UACA: variants seen among roughly 807,000 people sequenced by gnomAD.
UACA encodes the protein uveal autoantigen with coiled-coil domains and ankyrin repeats.
Under a neutral mutation model 160.5 loss-of-function variants are expected in UACA, and 112 were observed. The ratio of observed to expected loss-of-function variants is 0.70; its 90% CI spans 0.60 to 0.82. UACA has a LOEUF of 0.82. Among genes scored for constraint, UACA ranks in the 40% least tolerant of loss-of-function variants. UACA has a pLI of 0.00. For missense variants in UACA, 1,574 were observed against 1,614.6 expected (o/e 0.97, Z 0.43); for synonymous variants, 557 against 568.4 (o/e 0.98, Z 0.29).
chr15:70,746,714 C>CA (rs1211757986), intron 1 of UACA, among the ~76,000 whole-genome samples: 1 of 152,094 alleles, frequency 6.6e-6, no homozygotes, highest in Non-Finnish European at 1.5e-5. Context: ...TTCACAATAG[C>CA]AAAGACTTGG....
At position 70,666,760 on chromosome 15, in the gene UACA, T is replaced by C. The variant is rs374854267; in HGVS notation, c.3924A>G (p.Gln1308=). The change falls in exon 16 of 19, where the codon CAA becomes CAG. Residue 1308 remains glutamine, a synonymous_variant. Coordinates refer to ENST00000322954, the MANE Select transcript of UACA (RefSeq NM_018003.4). The stretch of plus-strand genomic sequence containing the variant: ...TTGCTTCTATTTGTTTAGCAGATTC[T>C]TGTATTCTTCTTTGTAACTCTGTGA... ...TTITELQRRI[Q]ESAKQIEAKD... 3.1e-6 allele frequency: 5 copies of C among 1,608,992 alleles called. No individual in the cohort carries two copies. Among genetic ancestry groups the C allele is most frequent in the Middle Eastern group, 1.7e-4 (1 of 6,054 alleles).
chr15:70,665,154 AG>A (rs1189561525), intron 16 of UACA, among the ~76,000 whole-genome samples: 1 of 152,218 alleles, frequency 6.6e-6, no homozygotes, highest in Non-Finnish European at 1.5e-5. Flanking sequence ...GAACACAGGA[AG>A]GGAAGGGGGA....
At chr15:70,689,823 A>C (rs1347578481) in intron 5 of UACA, among the ~76,000 whole-genome samples, 1 of 152,152 alleles carries the variant, frequency 6.6e-6, no homozygotes, top group Non-Finnish European at 1.5e-5. Context: ...ATTTAGACAC[A>C]CAAGTATAAT....
intron 16 of UACA, chr15:70,665,080 CTTACTT>C (rs1896857225): frequency 3.9e-6 from 1 of 254,336 alleles, no homozygotes; most frequent in Admixed American, 5.4e-5. Flanking sequence ...TAAACATAGT[CTTACTT>C]TTAGCTAATA....
intron 1 of UACA, among the ~76,000 whole-genome samples, chr15:70,728,657 CA>C (rs1465979146): frequency 6.6e-6 from 1 of 150,650 alleles, no homozygotes; most frequent in Admixed American, 6.6e-5. Flanking sequence ...ACTAAGTCCT[CA>C]AAGGCAACTG....
chr15:70,770,313 C>A, the UACA span, among the ~76,000 whole-genome samples: 2 of 152,150 alleles, frequency 1.3e-5, no homozygotes, highest in African/African-American at 4.8e-5. Flanking sequence ...TTCTTATATA[C>A]AGTAGCATTA....
intron 16 of UACA, among the ~76,000 whole-genome samples, chr15:70,665,110 G>A (rs544074672): frequency 1.3e-5 from 2 of 152,172 alleles, no homozygotes; most frequent in Middle Eastern, 3.4e-3. Context: ...AAGCATCTAC[G>A]AAGGCACATG....
In UACA at chr15:70,659,395, G is replaced by GTTTTTTTTTTTT. The variant is rs71152307; in HGVS notation, c.4179+744_4179+755dup. 2.2e-3 allele frequency among the ~76,000 whole-genome samples: 41 copies of GTTTTTTTTTTTT among 18,836 alleles called. 16 individuals are homozygous for GTTTTTTTTTTTT. The highest frequency in any genetic ancestry group is 4.3e-3 in the Admixed American group (4 of 922). 12.4% of individuals were successfully genotyped at this position (18,836 alleles called of 152,430 possible). A position where few individuals can be genotyped will look rare whatever the true frequency, so the allele number is the denominator to read the frequency against. On this transcript the variant is annotated intron_variant, in intron 18 of 18. Coordinates refer to ENST00000322954, the MANE Select transcript of UACA (RefSeq NM_018003.4). ...TCTTTCCCTTCTTCATTTTTTGTTT[G>GTTTTTTTTTTTT]TTTTTTTTTTTTTTTTTTTTTTTTT...
rs1420006408 is a variant in UACA at position 70,669,254 on chromosome 15, A to G, written c.1430T>C (p.Leu477Ser). ...LAHKVAECKA[L>S]ALECERVKED... ...CTTGACCCTTTCACATTCTAATGCTAAAGCTTTGCATTCTGCCACTTTGTG... is the reference window on the plus strand; with the variant it reads ...CTTGACCCTTTCACATTCTAATGCTGAAGCTTTGCATTCTGCCACTTTGTG... The change falls in exon 16 of 19, where the codon TTA becomes TCA. Residue 477 changes from leucine to serine, a missense_variant. By Grantham distance (145) the Leu-to-Ser change is moderately radical (BLOSUM62 -2). Coordinates refer to ENST00000322954, the MANE Select transcript of UACA (RefSeq NM_018003.4). 9 of 1,613,946 alleles carry G rather than the reference A, an allele frequency of 5.6e-6. No homozygotes were observed. Among genetic ancestry groups the G allele is most frequent in the Non-Finnish European group, 7.6e-6 (9 of 1,180,002 alleles).
At position 70,678,098 on chromosome 15, in the gene UACA, C is replaced by A. The variant is rs1386611252; in HGVS notation, c.999+1G>T. ...TTTTTCTATTATGCAGATTTATTTA[C>A]CTCATTCAGCTGTAACTGTAAACCA... On this transcript the variant is annotated splice_donor_variant, in intron 11 of 18. Transcript: ENST00000322954. LOFTEE classifies it high-confidence loss of function. 6.3e-7 allele frequency: 1 copy of A among 1,575,542 alleles called. No homozygotes were observed.
chr15:70,663,503 T>C (rs1255582980), intron 17 of UACA, among the ~76,000 whole-genome samples: 7 of 152,152 alleles, frequency 4.6e-5, no homozygotes, highest in Non-Finnish European at 8.8e-5. Context: ...GCCATCCCAT[T>C]ACTGGGTATA....
At chr15:70,777,812 T>G in the UACA span, among the ~76,000 whole-genome samples, 1 of 152,210 alleles carries the variant, frequency 6.6e-6, no homozygotes, top group Non-Finnish European at 1.5e-5. Flanking sequence ...CTTCAAGTTT[T>G]GCTGCGACGG....
intron 1 of UACA, among the ~76,000 whole-genome samples, chr15:70,762,278 A>T (rs2141021061): frequency 6.6e-6 from 1 of 152,346 alleles, no homozygotes; most frequent in East Asian, 1.9e-4. Flanking sequence ...AAGCAGAAGC[A>T]GATTAATTAG....
In UACA at chr15:70,667,222, T is replaced by C. The variant is rs1215002996; in HGVS notation, c.3462A>G (p.Gln1154=). Residue 1154 remains glutamine, a synonymous_variant, in exon 16 of 19, where the codon CAA becomes CAG. Coordinates refer to ENST00000322954, the MANE Select transcript of UACA (RefSeq NM_018003.4). ...AAGAGTTCTTTTGATTCTCCAACAA[T>C]TGATGCAGTTTGGTCACTGTCTGCT... ...KEQQTVTKLH[Q]LLENQKNSSV... 6.2e-7 allele frequency: 1 copy of C among 1,613,838 alleles called. No homozygotes were observed. The highest frequency in any genetic ancestry group is 8.5e-7 in the Non-Finnish European group (1 of 1,179,972).
At chr15:70,760,067 T>C (rs2030654560) in intron 1 of UACA, among the ~76,000 whole-genome samples, 1 of 152,164 alleles carries the variant, frequency 6.6e-6, no homozygotes, top group South Asian at 2.1e-4. Context: ...CATTTTAAAA[T>C]TTTATCTCAA....
intron 17 of UACA, chr15:70,660,527 T>C (rs974646597): frequency 1.9e-4 from 53 of 280,318 alleles, no homozygotes; most frequent in African/African-American, 1.2e-3. Flanking sequence ...TTGCAAACGC[T>C]TCCCATCCTG....
chr15:70,669,029 T>G lies in UACA; in HGVS notation c.1655A>C (p.Lys552Thr). Reference sequence around the variant, plus strand: ...CACTTCTGCTGAAGCACCTTCATATTTTACTTTCAAGTCTTTCAACTGATC... The same window carrying G: ...CACTTCTGCTGAAGCACCTTCATATGTTACTTTCAAGTCTTTCAACTGATC... ...LKDQLKDLKV[K>T]YEGASAEVGK... Residue 552 changes from lysine to threonine, a missense_variant, in exon 16 of 19, where the codon AAA becomes ACA. Physicochemically the swap from Lys to Thr is moderately conservative, Grantham distance 78. Transcript: ENST00000322954. 6.2e-7 allele frequency: 1 copy of G among 1,614,034 alleles called. No individual in the cohort carries two copies. Among genetic ancestry groups the G allele is most frequent in the Non-Finnish European group, 8.5e-7 (1 of 1,180,008 alleles).
At chr15:70,669,604 C>A (rs979409629) in intron 15 of UACA, 142 bp from the exon 16 acceptor site, 1 of 616,200 alleles carries the variant, frequency 1.6e-6, no homozygotes, top group Admixed American at 3.6e-5. Flanking sequence ...GAAAAAAAAT[C>A]ACAATGCTGA....
At chr15:70,679,570 G>A in intron 10 of UACA, 38 bp downstream of exon 10, 1 of 1,412,452 alleles carries the variant, frequency 7.1e-7, no homozygotes, top group South Asian at 1.2e-5. Flanking sequence ...TACTGGAATT[G>A]TTTTTAAAGG....
Sources: gnomAD v4.1 joint callset for allele counts (sites outside exome capture counted in the v4.1 genomes callset) on GRCh38, gnomAD v4.1.1 for gene constraint, MANE v1.5 for transcripts, NCBI Gene and HGNC (gene_info 2026-07-23, HGNC 2026-07-21) for gene names.